PRKAR1B: variants seen among roughly 807,000 people sequenced by gnomAD.
PRKAR1B encodes cAMP-dependent protein kinase type I-beta regulatory subunit.
Under a neutral mutation model 46.5 loss-of-function variants are expected in PRKAR1B, and 22 were observed. The ratio of observed to expected loss-of-function variants is 0.47; its 90% CI spans 0.34 to 0.68. PRKAR1B has a LOEUF of 0.68. PRKAR1B is among the 30% of genes least tolerant of loss of function. The pLI is 0.01. For missense variants in PRKAR1B, 445 were observed against 535.6 expected (o/e 0.83, Z 1.67); for synonymous variants, 259 against 217.7 (o/e 1.19, Z -1.67).
chr7:698,701 C>T (rs916007118), intron 2 of PRKAR1B, among the ~76,000 whole-genome samples: 4 of 151,950 alleles, frequency 2.6e-5, no homozygotes, highest in African/African-American at 9.7e-5. Context: ...CAGGTGTGCG[C>T]ACAGCTATGC....
At chr7:715,589 G>A (rs1438961751) in intron 1 of PRKAR1B, among the ~76,000 whole-genome samples, 1 of 152,082 alleles carries the variant, frequency 6.6e-6, no homozygotes, top group East Asian at 1.9e-4. Context: ...ATTTTTCTCA[G>A]CAAAGGTATT....
chr7:574,951 G>A (rs997282638), intron 9 of PRKAR1B, among the ~76,000 whole-genome samples: 9 of 152,236 alleles, frequency 5.9e-5, no homozygotes, highest in African/African-American at 1.7e-4. Flanking sequence ...TCCTGCTGGC[G>A]GTGGAGCGGC....
chr7:670,060 G>C (rs2128500727), intron 4 of PRKAR1B, among the ~76,000 whole-genome samples: 1 of 151,624 alleles, frequency 6.6e-6, no homozygotes, highest in East Asian at 2.0e-4. Context: ...AGTAGAGACT[G>C]GGTTTCACTG....
intron 6 of PRKAR1B, among the ~76,000 whole-genome samples, chr7:604,699 A>G (rs1475373129): frequency 3.3e-5 from 5 of 152,192 alleles, no homozygotes; most frequent in Non-Finnish European, 5.9e-5. Context: ...CTGCCACGGA[A>G]ACAAATGAGT....
chr7:622,943 T>C (rs1783190678), intron 4 of PRKAR1B, among the ~76,000 whole-genome samples: 1 of 152,158 alleles, frequency 6.6e-6, no homozygotes, highest in Non-Finnish European at 1.5e-5. Flanking sequence ...GGGAAGAACC[T>C]CTCTCCATTG....
At position 726,720 on chromosome 7, in the gene PRKAR1B, G is replaced by A. The variant is rs985031277; in HGVS notation, c.-23+490C>T. On this transcript the variant is annotated intron_variant, in intron 1 of 10. Transcript: ENST00000537384. ...CCTTAGTGACCGGCGACGCGGGCAA[G>A]ATGGCGGCGCTGGGGGTGGCGGAGG... 1.6e-5 allele frequency: 20 copies of A among 1,239,614 alleles called. No individual in the cohort carries two copies. The highest frequency in any genetic ancestry group is 7.5e-5 in the South Asian group (2 of 26,618). The allele number at this position is 1,239,614 out of a possible 1,614,324, so 76.8% of individuals were successfully genotyped here. A position where few individuals can be genotyped will look rare whatever the true frequency, so the allele number is the denominator to read the frequency against.
chr7:635,534 G>T (rs1783998424), intron 4 of PRKAR1B, among the ~76,000 whole-genome samples: 1 of 152,180 alleles, frequency 6.6e-6, no homozygotes, highest in Non-Finnish European at 1.5e-5. Context: ...GGACCCGAGG[G>T]CCCCTTGGCA....
chr7:692,275 C>A (rs148382243), intron 2 of PRKAR1B, among the ~76,000 whole-genome samples: 3 of 152,222 alleles, frequency 2.0e-5, no homozygotes, highest in Admixed American at 2.0e-4. Context: ...TGGCGCACGC[C>A]TGTAATCCCA....
intron 4 of PRKAR1B, among the ~76,000 whole-genome samples, chr7:633,319 G>A (rs1204629465): frequency 6.6e-6 from 1 of 152,192 alleles, no homozygotes; most frequent in Non-Finnish European, 1.5e-5. Context: ...AATCGACACA[G>A]AAAATATTAA....
intron 4 of PRKAR1B, among the ~76,000 whole-genome samples, chr7:622,870 G>A (rs1783185412): frequency 6.6e-6 from 1 of 150,530 alleles, no homozygotes; most frequent in East Asian, 2.0e-4. Context: ...GGAAAGAGTG[G>A]CCTGCTCAGT....
At chr7:672,300 G>A (rs371040293) in intron 4 of PRKAR1B, among the ~76,000 whole-genome samples, 1 of 152,070 alleles carries the variant, frequency 6.6e-6, no homozygotes, top group South Asian at 2.1e-4. Flanking sequence ...ACAGGCATGC[G>A]CAACTGTGCT....
chr7:633,671 G>T (rs1209996237), intron 4 of PRKAR1B, among the ~76,000 whole-genome samples: 1 of 152,136 alleles, frequency 6.6e-6, no homozygotes, highest in Non-Finnish European at 1.5e-5. Flanking sequence ...CTCAGACTCT[G>T]TGCTTAATAA....
At chr7:573,692 G>A (rs1413555686) in intron 9 of PRKAR1B, among the ~76,000 whole-genome samples, 2 of 152,230 alleles carry the variant, frequency 1.3e-5, no homozygotes, top group African/African-American at 2.4e-5. Flanking sequence ...CACCCAAGAA[G>A]GTAAAATCCG....
intron 6 of PRKAR1B, among the ~76,000 whole-genome samples, chr7:601,634 G>A (rs1781602997): frequency 6.6e-6 from 1 of 152,196 alleles, no homozygotes; most frequent in Non-Finnish European, 1.5e-5. Context: ...GGCCCCGCCG[G>A]GCACTCCCTG....
chr7:598,754 G>C (rs956702360), intron 6 of PRKAR1B, among the ~76,000 whole-genome samples: 1 of 152,250 alleles, frequency 6.6e-6, no homozygotes. Context: ...GAGGTCGGGA[G>C]GGGTTTGCTT....
intron 2 of PRKAR1B, among the ~76,000 whole-genome samples, chr7:690,035 G>A (rs1035206051): frequency 5.4e-5 from 8 of 149,454 alleles, no homozygotes; most frequent in South Asian, 2.3e-4. Context: ...GTGGGCTCAC[G>A]TCTGTAATCC....
chr7:591,588 G>A (rs907075282), intron 7 of PRKAR1B, among the ~76,000 whole-genome samples: 3 of 152,184 alleles, frequency 2.0e-5, no homozygotes, highest in Non-Finnish European at 4.4e-5. Context: ...AGCAGCTCAC[G>A]CCTATAATTC....
chr7:699,730 C>G (rs896584545), intron 2 of PRKAR1B, among the ~76,000 whole-genome samples: 2 of 152,028 alleles, frequency 1.3e-5, no homozygotes, highest in Non-Finnish European at 2.9e-5. Context: ...CAGTGCTGGC[C>G]GGAGCCCGTG....
In PRKAR1B at chr7:667,009, TGAG is replaced by T. The variant is rs1418090077; in HGVS notation, c.440+10217_440+10219del. 6.6e-6 allele frequency among the ~76,000 whole-genome samples: 1 copy of T among 152,092 alleles called. No individual in the cohort carries two copies. The highest frequency in any genetic ancestry group is 1.5e-5 in the Non-Finnish European group (1 of 68,012). On this transcript the variant is annotated intron_variant, in intron 4 of 10. Coordinates refer to ENST00000537384, the MANE Select transcript of PRKAR1B (RefSeq NM_001164760.2). The surrounding 1 kb of genome is among the most constrained non-coding windows in gnomAD (Gnocchi z 4.3). ...AAGATGATGATGGCAATGGTGGTGA[TGAG>T]GATGGTGGTGGTGATGGTGATGATG...
Sources: allele counts gnomAD v4.1 joint callset (sites outside exome capture counted in the v4.1 genomes callset), GRCh38; gene constraint gnomAD v4.1.1; non-coding constraint Gnocchi (gnomAD v3.1); transcripts MANE v1.5; gene names NCBI Gene and HGNC (gene_info 2026-07-23, HGNC 2026-07-21).